SMYD3: variants seen among roughly 807,000 people sequenced by gnomAD.
SMYD3 encodes the protein histone-lysine N-methyltransferase SMYD3.
Under a neutral mutation model 57.7 loss-of-function variants are expected in SMYD3, and 36 were observed. The observed-to-expected ratio is 0.62, with a 90% CI of 0.48 to 0.82. The LOEUF (loss-of-function observed/expected upper bound fraction) is 0.82, where lower values mean the gene tolerates loss of function less well. SMYD3 is among the 40% of genes least tolerant of loss of function. The pLI is 0.00. For missense variants in SMYD3, 515 were observed against 538.8 expected, an observed-to-expected ratio of 0.96 and a Z score of 0.44; for synonymous variants, 211 against 195.0, an observed-to-expected ratio of 1.08 and a Z score of -0.68.
At position 245,843,113 on chromosome 1, in the gene SMYD3, C is replaced by T. The variant is rs189645459; in HGVS notation, c.1076+15383G>A. Among the ~76,000 whole-genome samples, 163 of 152,210 alleles carry T rather than the reference C, an allele frequency of 1.1e-3. 1 individual carries two copies. The highest frequency in any genetic ancestry group is 3.8e-3 in the African/African-American group (157 of 41,516). ...CTCATGTTCTTTGGGTCTGAGAAAG[C>T]CTTACACAGCATGCTTCCATGTCTT... On this transcript the variant is annotated intron_variant, in intron 10 of 11. Coordinates refer to ENST00000490107, the MANE Select transcript of SMYD3 (RefSeq NM_001167740.2).
intron 5 of SMYD3, among the ~76,000 whole-genome samples, chr1:246,247,438 A>T (rs2063722681): frequency 7.1e-6 from 1 of 141,030 alleles, no homozygotes; most frequent in Admixed American, 7.3e-5. Context: ...AAGAAAGAGA[A>T]GGATAACTCT....
intron 5 of SMYD3, among the ~76,000 whole-genome samples, chr1:246,308,050 C>G (rs1313279736): frequency 2.6e-5 from 4 of 152,184 alleles, no homozygotes; most frequent in African/African-American, 4.8e-5. Context: ...AAATCTCCAT[C>G]TTAGGTCTCC....
intron 1 of SMYD3, among the ~76,000 whole-genome samples, chr1:246,384,880 A>C (rs2148758046): frequency 1.3e-5 from 2 of 152,320 alleles, no homozygotes; most frequent in African/African-American, 4.8e-5. Context: ...TATTTGTAGT[A>C]GCTGAATTGA....
chr1:246,088,602 T>C (rs6697336), intron 5 of SMYD3, among the ~76,000 whole-genome samples: 102,438 of 143,882 alleles, frequency 0.71, 36,894 homozygotes, highest in Admixed American at 0.8. Context: ...AGGGCGAGAC[T>C]CCGTCTCAAA....
intron 5 of SMYD3, among the ~76,000 whole-genome samples, chr1:246,255,418 G>A (rs527929094): frequency 1.3e-5 from 2 of 151,796 alleles, no homozygotes; most frequent in East Asian, 3.9e-4. Context: ...AGCTTTCTCT[G>A]CATCCATTGG....
Position 246,104,365 on chromosome 1 carries a change from G to A in SMYD3, c.532-174428C>T, listed in dbSNP as rs528523134. Among the ~76,000 whole-genome samples, 14 of 152,282 alleles carry A rather than the reference G, an allele frequency of 9.2e-5. No homozygotes were observed. In the South Asian group the frequency reaches 2.1e-3, roughly 23 times the overall value. On this transcript the variant is annotated intron_variant, in intron 5 of 11. Coordinates refer to ENST00000490107, the MANE Select transcript of SMYD3 (RefSeq NM_001167740.2). ...ATCCCTGGTATACAAAGACTAGAAC[G>A]GTGCTACTCAGAGCATGCTGTTCAC...
intron 7 of SMYD3, among the ~76,000 whole-genome samples, chr1:245,926,380 A>G (rs80004380): frequency 0.011 from 1,618 of 152,352 alleles, 34 homozygotes; most frequent in African/African-American, 0.035. Context: ...AGAAATGTTT[A>G]TTCTCTTAAA....
intron 5 of SMYD3, among the ~76,000 whole-genome samples, chr1:246,130,238 T>C (rs996235661): frequency 4.6e-5 from 7 of 152,198 alleles, no homozygotes; most frequent in African/African-American, 1.7e-4. Flanking sequence ...GTTTAATATG[T>C]AGACAAAATT....
At chr1:246,161,769 T>C (rs76012758) in intron 5 of SMYD3, among the ~76,000 whole-genome samples, 7,821 of 152,206 alleles carry the variant, frequency 0.051, 253 homozygotes, top group Middle Eastern at 0.068. Flanking sequence ...GGCAGGAACA[T>C]GTCTTCCCAA....
At chr1:245,913,360 T>G (rs1247282785) in intron 8 of SMYD3, among the ~76,000 whole-genome samples, 1 of 112,964 alleles carries the variant, frequency 8.9e-6, no homozygotes, top group Non-Finnish European at 1.9e-5. Flanking sequence ...CGGGGCCTGT[T>G]GTGGTGTGGG....
chr1:246,386,280 C>T (rs187826527), intron 1 of SMYD3, among the ~76,000 whole-genome samples: 5 of 152,190 alleles, frequency 3.3e-5, no homozygotes, highest in Admixed American at 2.0e-4. Context: ...AAGGAGAATG[C>T]GTACTCTAGG....
intron 5 of SMYD3, among the ~76,000 whole-genome samples, chr1:246,039,193 ATC>A (rs1306729406): frequency 6.6e-6 from 1 of 152,172 alleles, no homozygotes; most frequent in Non-Finnish European, 1.5e-5. Flanking sequence ...ACAATTTAAA[ATC>A]TCTCTTGTTG....
intron 1 of SMYD3, among the ~76,000 whole-genome samples, chr1:246,405,135 A>G (rs531965604): frequency 3.0e-4 from 46 of 152,118 alleles, no homozygotes; most frequent in African/African-American, 1.0e-3. Flanking sequence ...TATTTTTTGC[A>G]GAGATGGGGT....
At chr1:246,446,338 A>C (rs1301220902) in intron 1 of SMYD3, among the ~76,000 whole-genome samples, 2 of 152,234 alleles carry the variant, frequency 1.3e-5, no homozygotes, top group Non-Finnish European at 2.9e-5. Context: ...ATTTGTCCTA[A>C]AGACAACTCT....
Position 245,955,155 on chromosome 1 carries a change from G to A in SMYD3, c.532-25218C>T, listed in dbSNP as rs539964636. On this transcript the variant is annotated intron_variant, in intron 5 of 11. Transcript: ENST00000490107. ...CGCCCAGGCTGGACTGCAGTGGCGC[G>A]ATCTCAGCTCACTGCAAGTTCCGCC... Among the ~76,000 whole-genome samples, 192 of 152,214 alleles carry A rather than the reference G, an allele frequency of 1.3e-3. 4 individuals are homozygous for A. The highest frequency in any genetic ancestry group is 7.3e-3 in the South Asian group (35 of 4,826).
intron 5 of SMYD3, among the ~76,000 whole-genome samples, chr1:246,061,218 G>A (rs1342618195): frequency 4.6e-5 from 7 of 152,030 alleles, no homozygotes; most frequent in South Asian, 2.1e-4. Context: ...GCAAGACTCC[G>A]TCACACGCAC....
intron 10 of SMYD3, among the ~76,000 whole-genome samples, chr1:245,825,920 C>A (rs1030070666): frequency 9.4e-5 from 14 of 148,330 alleles, no homozygotes; most frequent in Admixed American, 3.4e-4. Flanking sequence ...GAAAACTCCA[C>A]GTCATTTTCT....
intron 5 of SMYD3, among the ~76,000 whole-genome samples, chr1:246,259,476 A>G (rs555956814): frequency 2.6e-5 from 4 of 151,880 alleles, no homozygotes; most frequent in South Asian, 4.2e-4. Context: ...TATTTTGGGT[A>G]AGATCTATTT....
chr1:245,997,717 C>T (rs764956695), intron 5 of SMYD3, among the ~76,000 whole-genome samples: 5 of 152,176 alleles, frequency 3.3e-5, no homozygotes, highest in Admixed American at 2.0e-4. Context: ...GACCTCAGCA[C>T]CTCCACCACC....
Sources: allele counts gnomAD v4.1 joint callset (sites outside exome capture counted in the v4.1 genomes callset), GRCh38; gene constraint gnomAD v4.1.1; transcripts MANE v1.5; gene names NCBI Gene and HGNC (gene_info 2026-07-23, HGNC 2026-07-21).